MYO16: variants seen among roughly 807,000 people sequenced by gnomAD.
MYO16 encodes the protein unconventional myosin-XVI.
In MYO16, 94 loss-of-function variants were observed where a neutral mutation model predicts 205.3. The observed-to-expected ratio is 0.46, with a 90% CI of 0.39 to 0.54. MYO16 has a LOEUF of 0.54. Ranked by LOEUF, MYO16 falls within the 20% of genes least tolerant of loss-of-function variation. The probability of loss-of-function intolerance (pLI) is 0.00; values close to 1 mark genes in which losing one functional copy is unlikely to be tolerated. For synonymous variants in MYO16, 988 were observed against 954.0 expected, an observed-to-expected ratio of 1.04 and a Z score of -0.66; for missense variants, 2,315 against 2,387.5, an observed-to-expected ratio of 0.97 and a Z score of 0.63.
At chr13:109,083,638 T>G (rs761154798) in intron 27 of MYO16, among the ~76,000 whole-genome samples, 26 of 152,162 alleles carry the variant, frequency 1.7e-4, no homozygotes, top group Non-Finnish European at 3.5e-4. Context: ...ACATTTACTC[T>G]AAGTGGGAGT....
intron 4 of MYO16, 51 bp from the exon 5 acceptor site, chr13:108,785,584 C>A: frequency 8.9e-7 from 1 of 1,127,840 alleles, no homozygotes; most frequent in Admixed American, 2.4e-5. Context: ...TCCTAATCTG[C>A]TTTTAATTTA....
intron 14 of MYO16, among the ~76,000 whole-genome samples, chr13:108,897,542 A>G (rs533848875): frequency 6.6e-6 from 1 of 152,322 alleles, no homozygotes; most frequent in South Asian, 2.1e-4. Flanking sequence ...GAAAAAGAGT[A>G]TGAGTGGAAA....
At chr13:108,831,144 A>G (rs1212672262) in intron 9 of MYO16, among the ~76,000 whole-genome samples, 3 of 152,048 alleles carry the variant, frequency 2.0e-5, no homozygotes, top group Admixed American at 6.6e-5. Flanking sequence ...TAAAACCCCT[A>G]CTTCTTAATG....
chr13:108,549,417 ATT>A, the MYO16 span, among the ~76,000 whole-genome samples: 25,215 of 149,710 alleles, frequency 0.17, 2,493 homozygotes, highest in Non-Finnish European at 0.23. Flanking sequence ...CCGTTTCTGT[ATT>A]TTTTTTTTTT....
intron 16 of MYO16, among the ~76,000 whole-genome samples, chr13:108,922,900 CAT>C (rs1177063316): frequency 6.6e-6 from 1 of 152,148 alleles, no homozygotes; most frequent in Non-Finnish European, 1.5e-5. Flanking sequence ...AAAACCTTGA[CAT>C]ATGTTATCTC....
intron 23 of MYO16, chr13:109,028,441 CT>C: frequency 3.6e-6 from 1 of 278,794 alleles, no homozygotes; most frequent in Non-Finnish European, 7.2e-6. Context: ...GAGTAGCTCC[CT>C]TTGAAGGGAA....
At position 108,665,963 on chromosome 13, in the gene MYO16, G is replaced by A. The variant is rs1881706218; in HGVS notation, c.106G>A (p.Gly36Ser). 6.2e-7 allele frequency: 1 copy of A among 1,614,048 alleles called. No homozygotes were observed. The highest frequency in any genetic ancestry group is 1.7e-5 in the Admixed American group (1 of 60,008). The change falls in exon 2 of 35, where the codon GGC becomes AGC. Residue 36 changes from glycine (G) to serine (S), a missense_variant. By Grantham distance (56) the Gly-to-Ser change is moderately conservative (BLOSUM62 0). Coordinates refer to ENST00000457511, the MANE Select transcript of MYO16 (RefSeq NM_001198950.3). ...DQCLLESLPL[G>S]QRQRLVKRMR... ...GTGCTTGCTAGAGTCCCTTCCCCTT[G>A]GCCAACGGCAGCGTCTAGTGAAGCG... is the stretch of plus-strand genomic sequence containing the variant.
intron 28 of MYO16, 126 bp downstream of exon 28, chr13:109,101,013 G>GAC (rs1888947914): frequency 1.4e-6 from 1 of 717,238 alleles, no homozygotes; most frequent in Non-Finnish European, 2.4e-6. Flanking sequence ...GGCAAGGCGT[G>GAC]ACATTAAGTG....
chr13:108,574,239 G>A, the MYO16 span, among the ~76,000 whole-genome samples: 217 of 152,260 alleles, frequency 1.4e-3, 1 homozygote, highest in African/African-American at 4.5e-3. Flanking sequence ...CATGACTTAT[G>A]TCTCTTGTTG....
intron 4 of MYO16, among the ~76,000 whole-genome samples, chr13:108,780,977 T>G (rs923027837): frequency 3.3e-5 from 5 of 152,228 alleles, no homozygotes; most frequent in Admixed American, 3.3e-4. Context: ...GGTGCAGAAT[T>G]TCTCTAAAAG....
At chr13:109,071,843 T>C (rs1887935075) in intron 27 of MYO16, among the ~76,000 whole-genome samples, 1 of 152,190 alleles carries the variant, frequency 6.6e-6, no homozygotes, top group Non-Finnish European at 1.5e-5. Context: ...TAGTGAAAGA[T>C]ACATTTGAGG....
chr13:109,068,589 AT>A (rs35068937), intron 27 of MYO16, among the ~76,000 whole-genome samples: 2,376 of 132,274 alleles, frequency 0.018, 27 homozygotes, highest in African/African-American at 0.053. Context: ...TAAGCCATGA[AT>A]TTTTTTTTTT....
chr13:108,567,172 G>A, the MYO16 span, among the ~76,000 whole-genome samples: 2 of 152,264 alleles, frequency 1.3e-5, no homozygotes, highest in South Asian at 2.1e-4. Flanking sequence ...GGAGGATATT[G>A]AAGTAGTTTA....
intron 16 of MYO16, among the ~76,000 whole-genome samples, chr13:108,911,123 C>T (rs547679267): frequency 2.6e-5 from 4 of 151,450 alleles, no homozygotes; most frequent in South Asian, 2.1e-4. Flanking sequence ...GTGGTTAAGG[C>T]CAAGTGCTTA....
intron 27 of MYO16, among the ~76,000 whole-genome samples, chr13:109,097,718 C>G (rs1226488281): frequency 6.6e-6 from 1 of 152,210 alleles, no homozygotes; most frequent in Non-Finnish European, 1.5e-5. Context: ...ACTGCAAATT[C>G]AGTCTCAGTT....
intron 2 of MYO16, among the ~76,000 whole-genome samples, chr13:108,706,221 T>C (rs1883503314): frequency 6.6e-6 from 1 of 152,186 alleles, no homozygotes; most frequent in Non-Finnish European, 1.5e-5. Context: ...AAAAATAATG[T>C]GACAAATTAA....
chr13:109,096,338 G>A (rs1033623697), intron 27 of MYO16, among the ~76,000 whole-genome samples: 19 of 152,160 alleles, frequency 1.2e-4, no homozygotes, highest in Admixed American at 3.3e-4. Context: ...CTCCCGTGGC[G>A]TTTCCCTTTT....
At chr13:108,605,203 A>G (rs1878907106) in intron 1 of MYO16, among the ~76,000 whole-genome samples, 1 of 152,218 alleles carries the variant, frequency 6.6e-6, no homozygotes, top group Admixed American at 6.5e-5. Context: ...CCTGTGAAAG[A>G]ACTATATTTG....
At chr13:109,007,312 C>T (rs552833291) in intron 21 of MYO16, among the ~76,000 whole-genome samples, 1 of 151,586 alleles carries the variant, frequency 6.6e-6, no homozygotes, top group Admixed American at 6.6e-5. Flanking sequence ...GGTGTGAACC[C>T]GTGAGGCGGA....
Sources: gnomAD v4.1 joint callset for allele counts (sites outside exome capture counted in the v4.1 genomes callset) on GRCh38, gnomAD v4.1.1 for gene constraint, MANE v1.5 for transcripts, NCBI Gene and HGNC (gene_info 2026-07-23, HGNC 2026-07-21) for gene names.